Variants in PDE4B observed in about 807,000 individuals in gnomAD.
PDE4B encodes phosphodiesterase 4B.
Under a neutral mutation model 82.2 loss-of-function variants are expected in PDE4B, and 20 were observed. The ratio of observed to expected loss-of-function variants is 0.24; its 90% CI spans 0.17 to 0.35. The LOEUF is 0.35. Ranked by LOEUF, PDE4B falls within the 10% of genes least tolerant of loss-of-function variation. The pLI is 1.00. For missense variants in PDE4B, 655 were observed against 907.2 expected, an observed-to-expected ratio of 0.72 and a Z score of 3.57; for synonymous variants, 320 against 318.9, an observed-to-expected ratio of 1.00 and a Z score of -0.04.
At chr1:65,973,871 G>A (rs975335735) in intron 3 of PDE4B, among the ~76,000 whole-genome samples, 6 of 151,950 alleles carry the variant, frequency 3.9e-5, no homozygotes, top group African/African-American at 1.5e-4. Context: ...GGAAAGCAAT[G>A]GCACGATGCC....
chr1:66,257,681 C>T lies in PDE4B; in HGVS notation c.511C>T (p.Gln171Ter). ...GDDLIVTPFAQVLASLRSVRN... is the reference protein window; with the variant it reads ...GDDLIVTPFA ...TGACTTGATTGTAACTCCTTTTGCC[C>T]AGGTATGTATTATGCTGGCCCTGGC... Residue 171 changes from glutamine (Q) to a stop codon, truncating the protein, a stop_gained and splice_region_variant, in exon 5 of 17, where the codon CAG becomes TAG. Coordinates refer to ENST00000341517, the MANE Select transcript of PDE4B (RefSeq NM_002600.4). LOFTEE classifies it high-confidence loss of function. The T allele has an allele frequency of 6.2e-7, 1 of 1,613,550 alleles. No individual in the cohort carries two copies. Among genetic ancestry groups the T allele is most frequent in the Non-Finnish European group, 8.5e-7 (1 of 1,179,628 alleles).
chr1:65,826,733 G>C (rs1214591208), intron 1 of PDE4B, among the ~76,000 whole-genome samples: 2 of 152,118 alleles, frequency 1.3e-5, no homozygotes, highest in African/African-American at 4.8e-5. Flanking sequence ...CTCTGGGAAG[G>C]GGCAGGAATG....
chr1:66,014,907 G>C (rs1246885603), intron 3 of PDE4B, among the ~76,000 whole-genome samples: 1 of 152,176 alleles, frequency 6.6e-6, no homozygotes. Context: ...CTGGCCTAGA[G>C]TATAGGGAAG....
intron 1 of PDE4B, among the ~76,000 whole-genome samples, chr1:65,909,436 C>T (rs1647062997): frequency 6.6e-6 from 1 of 152,112 alleles, no homozygotes; most frequent in African/African-American, 2.4e-5. Context: ...GAAATTCACA[C>T]ATTAACACAG....
chr1:65,864,734 G>T (rs1399745022), intron 1 of PDE4B, among the ~76,000 whole-genome samples: 1 of 152,182 alleles, frequency 6.6e-6, no homozygotes, highest in Admixed American at 6.5e-5. Context: ...CCTTACTCTG[G>T]AAGCTTCATC....
chr1:66,229,827 C>G (rs184057985), intron 3 of PDE4B, among the ~76,000 whole-genome samples: 1 of 152,256 alleles, frequency 6.6e-6, no homozygotes, highest in East Asian at 1.9e-4. Flanking sequence ...AAGCTTTTAG[C>G]TCTCTCTTCT....
At chr1:66,248,280 T>C (rs1378748634) in intron 4 of PDE4B, among the ~76,000 whole-genome samples, 2 of 152,382 alleles carry the variant, frequency 1.3e-5, no homozygotes, top group East Asian at 3.9e-4. Context: ...ATCTAGGTTG[T>C]GTCACCCATT....
chr1:65,899,051 C>T (rs12751173), intron 1 of PDE4B, among the ~76,000 whole-genome samples: 67,980 of 151,742 alleles, frequency 0.45, 16,096 homozygotes, highest in South Asian at 0.66. Context: ...GGAGAAAATC[C>T]TCACAATCTA....
At chr1:66,112,114 C>T (rs1056921053) in intron 3 of PDE4B, among the ~76,000 whole-genome samples, 3 of 152,010 alleles carry the variant, frequency 2.0e-5, no homozygotes, top group South Asian at 4.2e-4. Context: ...AAGAATCTCC[C>T]GAGGTGCTGG....
chr1:66,123,030 A>G (rs1331166360), intron 3 of PDE4B, among the ~76,000 whole-genome samples: 3 of 151,602 alleles, frequency 2.0e-5, no homozygotes, highest in Non-Finnish European at 4.4e-5. Flanking sequence ...AGAGCTCTAT[A>G]TTTTGACCAT....
At chr1:66,185,094 G>C (rs552108722) in intron 3 of PDE4B, among the ~76,000 whole-genome samples, 1 of 151,836 alleles carries the variant, frequency 6.6e-6, no homozygotes, top group Non-Finnish European at 1.5e-5. Context: ...GCGGTGTTTG[G>C]TTTTTTTGTC....
intron 3 of PDE4B, among the ~76,000 whole-genome samples, chr1:66,058,474 G>A (rs1655417755): frequency 6.6e-6 from 1 of 152,218 alleles, no homozygotes; most frequent in South Asian, 2.1e-4. Context: ...CTTCTACACT[G>A]GCCTAGCAGA....
chr1:66,110,538 A>C (rs915838947), intron 3 of PDE4B, among the ~76,000 whole-genome samples: 1 of 152,106 alleles, frequency 6.6e-6, no homozygotes, highest in South Asian at 2.1e-4. Flanking sequence ...TACCAAATAC[A>C]TGGTGGATAT....
At chr1:65,857,299 T>C (rs1382598401) in intron 1 of PDE4B, among the ~76,000 whole-genome samples, 1 of 152,210 alleles carries the variant, frequency 6.6e-6, no homozygotes, top group Non-Finnish European at 1.5e-5. Context: ...TTAATTTCTC[T>C]TTTCCTGGTA....
intron 3 of PDE4B, among the ~76,000 whole-genome samples, chr1:66,033,898 T>A (rs896706613): frequency 1.3e-5 from 2 of 152,126 alleles, no homozygotes; most frequent in African/African-American, 4.8e-5. Flanking sequence ...ATAGAGGCAA[T>A]GTATGATGAT....
chr1:66,012,022 C>G (rs1652513508), intron 3 of PDE4B, among the ~76,000 whole-genome samples: 1 of 151,694 alleles, frequency 6.6e-6, no homozygotes, highest in Non-Finnish European at 1.5e-5. Context: ...TAATTGTTTC[C>G]CTTTTGTATT....
At chr1:66,322,225 G>A (rs1328896010) in intron 7 of PDE4B, among the ~76,000 whole-genome samples, 1 of 152,114 alleles carries the variant, frequency 6.6e-6, no homozygotes, top group African/African-American at 2.4e-5. Context: ...AACCCTAGAA[G>A]AAAACCTAGG....
intron 3 of PDE4B, among the ~76,000 whole-genome samples, chr1:66,008,542 TA>T (rs1652286216): frequency 6.6e-6 from 1 of 152,142 alleles, no homozygotes; most frequent in African/African-American, 2.4e-5. Flanking sequence ...TATCCATTTA[TA>T]AACATGCTAT....
At chr1:66,367,911 T>G (rs1367483391) in intron 14 of PDE4B, 32 bp from the exon 15 acceptor site, 1 of 1,613,104 alleles carries the variant, frequency 6.2e-7, no homozygotes, top group Non-Finnish European at 8.5e-7. Context: ...AGACTGAATT[T>G]ATTAAGAGTT....
Sources: gnomAD v4.1 joint callset for allele counts (sites outside exome capture counted in the v4.1 genomes callset) on GRCh38, gnomAD v4.1.1 for gene constraint, MANE v1.5 for transcripts, NCBI Gene and HGNC (gene_info 2026-07-23, HGNC 2026-07-21) for gene names.